SNX24: variants seen among roughly 807,000 people sequenced by gnomAD.
SNX24 encodes the protein sorting nexin 24, also known as sorting nexin-24.
In SNX24, 22 loss-of-function variants were observed where a neutral mutation model predicts 28.7. That is an observed-to-expected ratio of 0.77 (90% CI 0.55 to 1.10). The LOEUF is 1.10. Among genes scored for constraint, SNX24 ranks in the 50% least tolerant of loss-of-function variants. SNX24 has a pLI of 0.00. For missense variants in SNX24, 221 were observed against 201.1 expected, an observed-to-expected ratio of 1.10 and a Z score of -0.60; for synonymous variants, 69 against 71.5, an observed-to-expected ratio of 0.96 and a Z score of 0.18.
intron 3 of SNX24, among the ~76,000 whole-genome samples, chr5:122,992,963 C>T (rs2150168091): frequency 7.2e-6 from 1 of 139,120 alleles, no homozygotes; most frequent in East Asian, 2.0e-4. Context: ...GAAATGTATT[C>T]CTTTTTTTTT....
At chr5:122,972,821 T>A (rs1369742179) in intron 3 of SNX24, among the ~76,000 whole-genome samples, 1 of 152,210 alleles carries the variant, frequency 6.6e-6, no homozygotes, top group Non-Finnish European at 1.5e-5. Context: ...AGTAGCTGGC[T>A]GATCACCCCA....
At chr5:122,849,199 T>G (rs562024964) in intron 1 of SNX24, among the ~76,000 whole-genome samples, 46 of 152,388 alleles carry the variant, frequency 3.0e-4, no homozygotes, top group East Asian at 2.9e-3. Flanking sequence ...TACAAATTTA[T>G]TCTCAGTGTA....
intron 5 of SNX24, chr5:123,029,132 G>C: frequency 8.0e-7 from 1 of 1,247,926 alleles, no homozygotes; most frequent in Non-Finnish European, 1.1e-6. Flanking sequence ...CCAATTTCCA[G>C]AAGCCTAAGG....
chr5:122,864,764 C>G (rs541012003), intron 1 of SNX24, among the ~76,000 whole-genome samples: 263 of 152,340 alleles, frequency 1.7e-3, no homozygotes, highest in South Asian at 4.6e-3. Flanking sequence ...ATCTTAGGAG[C>G]AGCTTAGGGA....
chr5:122,939,035 A>G (rs559730275), intron 2 of SNX24, among the ~76,000 whole-genome samples: 20 of 152,160 alleles, frequency 1.3e-4, no homozygotes, highest in African/African-American at 3.4e-4. Flanking sequence ...TTTTGACTGT[A>G]AGATTGTGTG....
intron 1 of SNX24, among the ~76,000 whole-genome samples, chr5:122,898,986 G>C (rs542993275): frequency 4.9e-4 from 75 of 152,334 alleles, no homozygotes; most frequent in Non-Finnish European, 8.8e-4. Flanking sequence ...GAGGCTTACA[G>C]TGTTTATGCA....
chr5:123,029,094 C>A, intron 5 of SNX24: 1 of 950,456 alleles, frequency 1.1e-6, no homozygotes, highest in Non-Finnish European at 1.5e-6. Flanking sequence ...GAGAGCAAAC[C>A]ATATTTTCAC....
intron 5 of SNX24, chr5:123,029,032 C>G: frequency 2.4e-6 from 2 of 822,256 alleles, no homozygotes; most frequent in Non-Finnish European, 3.7e-6. Context: ...CATTAGCTGA[C>G]CAAAAAATAA....
chr5:123,023,916 C>T, intron 5 of SNX24: 1 of 1,614,018 alleles, frequency 6.2e-7, no homozygotes, highest in Non-Finnish European at 8.5e-7. Context: ...GTTTTCACGT[C>T]TATCTTGCCA....
intron 3 of SNX24, among the ~76,000 whole-genome samples, chr5:122,952,451 A>G (rs1326065540): frequency 1.3e-5 from 2 of 152,198 alleles, no homozygotes; most frequent in Non-Finnish European, 2.9e-5. Context: ...CACTCACCCC[A>G]GGGAAAAGCC....
chr5:123,003,678 A>G (rs926428430), intron 6 of SNX24, among the ~76,000 whole-genome samples: 17 of 152,224 alleles, frequency 1.1e-4, no homozygotes, highest in Non-Finnish European at 2.5e-4. Context: ...AGCAGTGCCT[A>G]CCATGTGCTC....
At chr5:123,022,445 C>G (rs1044591280) in intron 5 of SNX24, 12 of 152,402 alleles carry the variant, frequency 7.9e-5, no homozygotes, top group African/African-American at 2.4e-4. Context: ...ATAACAAGGC[C>G]CCTGTAGAAT....
intron 1 of SNX24, among the ~76,000 whole-genome samples, chr5:122,865,558 C>T (rs982402673): frequency 1.3e-5 from 2 of 152,232 alleles, no homozygotes; most frequent in South Asian, 2.1e-4. Flanking sequence ...AGGCTGGTCT[C>T]GAACTTTGGA....
At chr5:122,864,157 TAGGAAGCTC>T (rs923910934) in intron 1 of SNX24, among the ~76,000 whole-genome samples, 5 of 53,944 alleles carry the variant, frequency 9.3e-5, no homozygotes, top group African/African-American at 3.8e-4. Context: ...GTGCTGCAGT[TAGGAAGCTC>T]AGGAAGCTAC....
At chr5:122,975,501 A>G (rs1761129321) in intron 3 of SNX24, among the ~76,000 whole-genome samples, 1 of 152,114 alleles carries the variant, frequency 6.6e-6, no homozygotes, top group Non-Finnish European at 1.5e-5. Context: ...ATTACTTGAT[A>G]TATTTAACTT....
chr5:123,024,017 A>G (rs1289080746), intron 5 of SNX24: 1 of 1,610,982 alleles, frequency 6.2e-7, no homozygotes. Context: ...GTGAGAGAAA[A>G]GTAGACACAT....
chr5:122,870,178 G>A (rs924102035), intron 1 of SNX24, among the ~76,000 whole-genome samples: 3 of 152,172 alleles, frequency 2.0e-5, no homozygotes, highest in African/African-American at 7.2e-5. Flanking sequence ...CAGAACTTTA[G>A]AATGGAGATG....
intron 1 of SNX24, among the ~76,000 whole-genome samples, chr5:122,867,126 AT>A (rs1213246291): frequency 1.3e-5 from 2 of 152,188 alleles, no homozygotes; most frequent in African/African-American, 4.8e-5. Flanking sequence ...CCTGCAAAGT[AT>A]TGCAACTTAG....
chr5:122,858,920 G>C lies in SNX24; in HGVS notation c.60+13227G>C, dbSNP rs925382484. ...CCACCACCACGCCTGGCCAATTATTGTATTTTTGGTACAGATAGGGTTTCA... is the reference window on the plus strand; with the variant it reads ...CCACCACCACGCCTGGCCAATTATTCTATTTTTGGTACAGATAGGGTTTCA... On this transcript the variant is annotated intron_variant, in intron 1 of 6. Coordinates refer to ENST00000261369, the MANE Select transcript of SNX24 (RefSeq NM_014035.4). 3.3e-5 allele frequency among the ~76,000 whole-genome samples: 5 copies of C among 152,178 alleles called. No homozygotes were observed. The South Asian group carries it at 1.0e-3, about 32-fold the overall frequency.
Sources: allele counts gnomAD v4.1 joint callset (sites outside exome capture counted in the v4.1 genomes callset), GRCh38; gene constraint gnomAD v4.1.1; transcripts MANE v1.5; gene names NCBI Gene and HGNC (gene_info 2026-07-23, HGNC 2026-07-21).